Variants in USH2A observed in about 807,000 individuals in gnomAD.
USH2A encodes Usher syndrome 2A (autosomal recessive, mild).
In USH2A, 443 loss-of-function variants were observed where a neutral mutation model predicts 538.9. The ratio of observed to expected loss-of-function variants is 0.82; its 90% CI spans 0.76 to 0.89. The LOEUF is 0.89. Ranked by LOEUF, USH2A falls within the 40% of genes least tolerant of loss-of-function variation. The pLI, the probability that USH2A is intolerant of heterozygous loss-of-function variation, is 0.00. For missense variants in USH2A, 6,633 were observed against 6,324.8 expected, an observed-to-expected ratio of 1.05 and a Z score of -1.65; for synonymous variants, 2,413 against 2,273.5, an observed-to-expected ratio of 1.06 and a Z score of -1.75.
At chr1:215,824,131 G>A (rs1358846420) in intron 47 of USH2A, among the ~76,000 whole-genome samples, 4 of 152,022 alleles carry the variant, frequency 2.6e-5, no homozygotes, top group African/African-American at 7.2e-5. Flanking sequence ...TCAAGGATAT[G>A]TATCTTTGAA....
chr1:216,265,158 G>A (rs11120747), intron 11 of USH2A, among the ~76,000 whole-genome samples: 86,203 of 145,402 alleles, frequency 0.59, 26,268 homozygotes, highest in East Asian at 0.73. Flanking sequence ...TCAACTCAAT[G>A]GCCCCAAATA....
chr1:216,002,663 T>A (rs951967687), intron 32 of USH2A, among the ~76,000 whole-genome samples: 1 of 152,166 alleles, frequency 6.6e-6, no homozygotes, highest in East Asian at 1.9e-4. Context: ...GATTGGATGC[T>A]ACAAAATTCT....
chr1:215,907,145 C>T (rs1393853858), intron 38 of USH2A, among the ~76,000 whole-genome samples: 1 of 151,906 alleles, frequency 6.6e-6, no homozygotes, highest in Admixed American at 6.6e-5. Context: ...CAAATATAAC[C>T]TTTTGTTCAC....
chr1:216,120,708 C>T (rs12742246), intron 21 of USH2A, among the ~76,000 whole-genome samples: 53,382 of 151,578 alleles, frequency 0.35, 10,313 homozygotes, highest in East Asian at 0.73. Flanking sequence ...AAAAATTAGC[C>T]GGGCATGGTG....
chr1:215,783,467 TCTAG>T (rs1661706168), intron 52 of USH2A, among the ~76,000 whole-genome samples: 1 of 152,190 alleles, frequency 6.6e-6, no homozygotes, highest in African/African-American at 2.4e-5. Context: ...TACTCTGCTA[TCTAG>T]TTCCTTCCCT....
intron 50 of USH2A, among the ~76,000 whole-genome samples, chr1:215,793,926 C>T (rs1025454056): frequency 2.0e-5 from 3 of 152,164 alleles, no homozygotes; most frequent in Non-Finnish European, 4.4e-5. Flanking sequence ...TTCACCTTTT[C>T]ATACTAAGGG....
chr1:215,808,220 T>G lies in USH2A; in HGVS notation c.9739+5516A>C, dbSNP rs550498005. Among the ~76,000 whole-genome samples, 3 of 152,270 alleles carry G rather than the reference T, an allele frequency of 2.0e-5. No homozygotes were observed. The East Asian group carries it at 5.8e-4, about 29-fold the overall frequency. ...AAAGATAGGGATGTTCATTGTAATTTTAATGGAAATATATTTGCTATCTTA... is the reference window on the plus strand; with the variant it reads ...AAAGATAGGGATGTTCATTGTAATTGTAATGGAAATATATTTGCTATCTTA... On this transcript the variant is annotated intron_variant, in intron 49 of 71. Transcript: ENST00000307340.
intron 38 of USH2A, among the ~76,000 whole-genome samples, chr1:215,915,405 G>T (rs949014503): frequency 2.0e-5 from 3 of 152,064 alleles, no homozygotes; most frequent in Non-Finnish European, 2.9e-5. Flanking sequence ...AAGAATGCAA[G>T]AATTTTGAGG....
intron 47 of USH2A, among the ~76,000 whole-genome samples, chr1:215,837,312 G>A (rs181073492): frequency 1.3e-5 from 2 of 152,018 alleles, no homozygotes; most frequent in Admixed American, 1.3e-4. Context: ...GATTCATTTG[G>A]CTTAAGCAAA....
chr1:215,684,114 A>T (rs1010243241), intron 61 of USH2A, among the ~76,000 whole-genome samples: 15 of 152,300 alleles, frequency 9.8e-5, no homozygotes, highest in African/African-American at 3.4e-4. Flanking sequence ...TTAACTTTAT[A>T]TGCATGAAGG....
chr1:215,706,455 G>A (rs1308454056), intron 61 of USH2A, among the ~76,000 whole-genome samples: 1 of 152,078 alleles, frequency 6.6e-6, no homozygotes, highest in Non-Finnish European at 1.5e-5. Flanking sequence ...CATAAGTCAG[G>A]AAAAGTAGAC....
At chr1:215,697,174 G>C (rs1171152621) in intron 61 of USH2A, among the ~76,000 whole-genome samples, 7 of 151,866 alleles carry the variant, frequency 4.6e-5, no homozygotes, top group Non-Finnish European at 1.0e-4. Context: ...GCCCAGGCTG[G>C]TCTTGAACTC....
intron 30 of USH2A, among the ~76,000 whole-genome samples, chr1:216,049,082 G>A (rs2030647524): frequency 6.6e-6 from 1 of 152,088 alleles, no homozygotes; most frequent in Non-Finnish European, 1.5e-5. Context: ...CCTTTTTATA[G>A]GGCACCTATT....
chr1:216,163,889 A>G (rs2034116972), intron 21 of USH2A, among the ~76,000 whole-genome samples: 1 of 152,066 alleles, frequency 6.6e-6, no homozygotes, highest in Admixed American at 6.6e-5. Context: ...TCTTATATCT[A>G]GGATCTTGAT....
intron 30 of USH2A, among the ~76,000 whole-genome samples, chr1:216,057,663 G>A (rs1365655079): frequency 1.3e-5 from 2 of 151,848 alleles, no homozygotes; most frequent in East Asian, 1.9e-4. Flanking sequence ...CTCCAGCCTC[G>A]GCAACAGAGC....
Position 215,798,681 on chromosome 1 carries a change from T to C in USH2A, c.9958+226A>G, listed in dbSNP as rs189009821. 4.0e-3 allele frequency among the ~76,000 whole-genome samples: 614 copies of C among 152,280 alleles called. 5 individuals are homozygous for C. The highest frequency in any genetic ancestry group is 0.014 in the Middle Eastern group (4 of 294). The stretch of plus-strand genomic sequence containing the variant: ...GGAATTTTTTTTGGAGGACATGACC[T>C]TTTCAAGAGGAAAAAAAATTGATGC... On this transcript the variant is annotated intron_variant, in intron 50 of 71. Coordinates refer to ENST00000307340, the MANE Select transcript of USH2A (RefSeq NM_206933.4).
chr1:215,687,017 T>G (rs1479577303), intron 61 of USH2A, among the ~76,000 whole-genome samples: 1 of 152,108 alleles, frequency 6.6e-6, no homozygotes, highest in East Asian at 1.9e-4. Context: ...TGTTTTCTCC[T>G]GATACTGGGG....
At chr1:215,844,545 G>A (rs777635002) in intron 45 of USH2A, 49 bp from the exon 46 acceptor site, 26 of 1,586,092 alleles carry the variant, frequency 1.6e-5, no homozygotes, top group African/African-American at 4.0e-5. Flanking sequence ...CTCTGAAAAA[G>A]CACATGTTAA....
intron 21 of USH2A, among the ~76,000 whole-genome samples, chr1:216,107,263 ATTTTG>A (rs2032756601): frequency 6.6e-6 from 1 of 151,776 alleles, no homozygotes; most frequent in African/African-American, 2.4e-5. Context: ...GAATTTGTCT[ATTTTG>A]TCCTTTGGTT....
Sources: allele counts gnomAD v4.1 joint callset (sites outside exome capture counted in the v4.1 genomes callset), GRCh38; gene constraint gnomAD v4.1.1; transcripts MANE v1.5; gene names NCBI Gene and HGNC (gene_info 2026-07-23, HGNC 2026-07-21).